Variants in TRIM44 observed in about 807,000 individuals in gnomAD.
TRIM44 encodes the protein tripartite motif containing 44, also known as tripartite motif-containing protein 44.
A neutral mutation model predicts 37.4 loss-of-function variants in TRIM44; 13 were observed. The observed-to-expected ratio is 0.35, with a 90% confidence interval of 0.23 to 0.55. The LOEUF (loss-of-function observed/expected upper bound fraction) is 0.55, where lower values mean the gene tolerates loss of function less well. Ranked by LOEUF, TRIM44 falls within the 20% of genes least tolerant of loss-of-function variation. The probability of loss-of-function intolerance (pLI) is 0.89; values close to 1 mark genes in which losing one functional copy is unlikely to be tolerated. For synonymous variants in TRIM44, 175 were observed against 157.2 expected, an observed-to-expected ratio of 1.11 and a Z score of -0.85; for missense variants, 426 against 437.2, an observed-to-expected ratio of 0.97 and a Z score of 0.23.
At chr11:35,703,658 G>A (rs1277232850) in intron 2 of TRIM44, among the ~76,000 whole-genome samples, 2 of 152,214 alleles carry the variant, frequency 1.3e-5, no homozygotes, top group African/African-American at 4.8e-5. Flanking sequence ...ACAGGATCTG[G>A]AGTGGACCTC....
intron 1 of TRIM44, 136 bp downstream of exon 1, chr11:35,663,916 C>T: frequency 9.8e-7 from 1 of 1,020,588 alleles, no homozygotes; most frequent in Non-Finnish European, 1.4e-6. Context: ...GGGAGCAGTT[C>T]TTATTCACCG....
rs1204882087 is a variant in TRIM44 at position 35,808,845 on chromosome 11, A to G, written c.*2460A>G. 1 of 152,236 alleles carries G rather than the reference A, an allele frequency of 6.6e-6. No individual in the cohort carries two copies. The highest frequency in any genetic ancestry group is 2.4e-5 in the African/African-American group (1 of 41,464). The allele number at this position is 152,236 out of a possible 1,614,324, so 9.4% of individuals were successfully genotyped here. On this transcript the variant is annotated 3_prime_UTR_variant, in exon 5 of 5. Coordinates refer to ENST00000299413, the MANE Select transcript of TRIM44 (RefSeq NM_017583.6). ...TCCTGCAGTGGCACTACCTTCCCCT[A>G]GAGCTGGAGCATGCTGCTTGGCCTT...
intron 4 of TRIM44, among the ~76,000 whole-genome samples, chr11:35,767,917 C>T (rs1176185973): frequency 1.3e-5 from 2 of 152,142 alleles, no homozygotes; most frequent in Non-Finnish European, 2.9e-5. Context: ...GTCCTTGGCC[C>T]CAAGTGGCAG....
At chr11:35,759,320 G>A (rs932491164) in intron 4 of TRIM44, among the ~76,000 whole-genome samples, 16 of 152,116 alleles carry the variant, frequency 1.1e-4, no homozygotes, top group East Asian at 9.6e-4. Context: ...CATTCGTCAC[G>A]TAGTTCACAT....
At chr11:35,742,913 A>T (rs1339022742) in intron 4 of TRIM44, among the ~76,000 whole-genome samples, 1 of 151,034 alleles carries the variant, frequency 6.6e-6, no homozygotes, top group Non-Finnish European at 1.5e-5. Context: ...TCATGAGGTC[A>T]CACAGCTAAA....
chr11:35,738,615 C>CTTAA (rs2135522612), intron 4 of TRIM44, among the ~76,000 whole-genome samples: 1 of 152,266 alleles, frequency 6.6e-6, no homozygotes, highest in Admixed American at 6.5e-5. Context: ...TCTGATTAAC[C>CTTAA]CTTCAAGGCA....
At chr11:35,682,957 G>A (rs753709945) in intron 1 of TRIM44, among the ~76,000 whole-genome samples, 4 of 152,082 alleles carry the variant, frequency 2.6e-5, no homozygotes, top group Non-Finnish European at 4.4e-5. Flanking sequence ...AGCTCTTGCC[G>A]AAGAGCTTAA....
chr11:35,789,424 G>A (rs1853172394), intron 4 of TRIM44, among the ~76,000 whole-genome samples: 2 of 152,146 alleles, frequency 1.3e-5, no homozygotes, highest in African/African-American at 4.8e-5. Context: ...AATGAGAAAA[G>A]TGATCACTTA....
chr11:35,669,980 C>G (rs933200965), intron 1 of TRIM44, among the ~76,000 whole-genome samples: 8 of 151,972 alleles, frequency 5.3e-5, no homozygotes, highest in African/African-American at 1.9e-4. Context: ...TGCCACCACA[C>G]CCGCCTGATT....
At chr11:35,744,831 T>C (rs1590562752) in intron 4 of TRIM44, among the ~76,000 whole-genome samples, 1 of 152,338 alleles carries the variant, frequency 6.6e-6, no homozygotes, top group East Asian at 1.9e-4. Context: ...CTTGGTTTTC[T>C]GTTCCTATGT....
chr11:35,816,157 T>C lies in TRIM44; in HGVS notation c.*9772T>C, dbSNP rs1853578672. ...TTCCGGCCTTTCCATCTGGAAACCA[T>C]GAGCCTCATGGATTCCAGGCACAAA... On this transcript the variant is annotated 3_prime_UTR_variant, in exon 5 of 5. Coordinates refer to ENST00000299413, the MANE Select transcript of TRIM44 (RefSeq NM_017583.6). 1.3e-5 allele frequency: 2 copies of C among 152,134 alleles called. No individual in the cohort carries two copies. 9.4% of individuals were successfully genotyped at this position (152,134 alleles called of 1,614,324 possible).
At chr11:35,789,823 A>G (rs1457953431) in intron 4 of TRIM44, among the ~76,000 whole-genome samples, 2 of 152,192 alleles carry the variant, frequency 1.3e-5, no homozygotes, top group Non-Finnish European at 2.9e-5. Context: ...AGTGCTTTCC[A>G]GGTATCGTAA....
intron 4 of TRIM44, among the ~76,000 whole-genome samples, chr11:35,739,878 A>T (rs1487806117): frequency 2.6e-5 from 4 of 152,092 alleles, no homozygotes; most frequent in Admixed American, 1.3e-4. Context: ...ACTGACCCTG[A>T]TCACGAGGTC....
At chr11:35,792,487 C>A (rs956190168) in intron 4 of TRIM44, among the ~76,000 whole-genome samples, 3 of 152,190 alleles carry the variant, frequency 2.0e-5, no homozygotes, top group Non-Finnish European at 4.4e-5. Context: ...TGTAGGAATT[C>A]TTCAAGTAGA....
At chr11:35,796,261 TC>T (rs1464203524) in intron 4 of TRIM44, among the ~76,000 whole-genome samples, 8 of 152,178 alleles carry the variant, frequency 5.3e-5, no homozygotes, top group Non-Finnish European at 2.9e-5. Context: ...CCTCGCTCGC[TC>T]GCTGTCACAC....
intron 4 of TRIM44, among the ~76,000 whole-genome samples, chr11:35,805,692 A>G (rs1853437624): frequency 6.6e-6 from 1 of 152,224 alleles, no homozygotes; most frequent in African/African-American, 2.4e-5. Context: ...AGATATACAT[A>G]GTTAATAAAG....
chr11:35,679,963 C>G (rs1354532154), intron 1 of TRIM44, among the ~76,000 whole-genome samples: 1 of 152,182 alleles, frequency 6.6e-6, no homozygotes, highest in Non-Finnish European at 1.5e-5. Flanking sequence ...TTGTGCAATG[C>G]TCTTTACATT....
chr11:35,663,224 TCTG>T lies in TRIM44; in HGVS notation c.116_118del (p.Cys39del). On this transcript the variant is annotated inframe_deletion, in exon 1 of 5. Transcript: ENST00000299413. The stretch of plus-strand genomic sequence containing the variant: ...GAGGAAGTGTGCCGAGAATGCGGCT[TCTG>T]CTACTGCCGCCGCCATGCCGAGGCG... The T allele has an allele frequency of 6.2e-7, 1 of 1,606,326 alleles. No individual in the cohort carries two copies. Among genetic ancestry groups the T allele is most frequent in the Non-Finnish European group, 8.5e-7 (1 of 1,174,790 alleles).
At chr11:35,693,048 G>T (rs529271344) in intron 2 of TRIM44, among the ~76,000 whole-genome samples, 16 of 152,270 alleles carry the variant, frequency 1.1e-4, no homozygotes, top group African/African-American at 3.8e-4. Flanking sequence ...GACTCCAGGG[G>T]TGCCTCGTGG....
Sources: allele counts gnomAD v4.1 joint callset (sites outside exome capture counted in the v4.1 genomes callset), GRCh38; gene constraint gnomAD v4.1.1; transcripts MANE v1.5; gene names NCBI Gene and HGNC (gene_info 2026-07-23, HGNC 2026-07-21).